CRYL1: variants seen among roughly 807,000 people sequenced by gnomAD.
CRYL1 encodes the protein lambda-crystallin homolog.
Under a neutral mutation model 36.6 loss-of-function variants are expected in CRYL1, and 29 were observed. The observed-to-expected ratio is 0.79, with a 90% CI of 0.59 to 1.08. The LOEUF (loss-of-function observed/expected upper bound fraction) is 1.08. Ranked by LOEUF, CRYL1 falls within the 50% of genes least tolerant of loss-of-function variation. The pLI is 0.00. For missense variants in CRYL1, 411 were observed against 407.9 expected, an observed-to-expected ratio of 1.01 and a Z score of -0.06; for synonymous variants, 152 against 151.5, an observed-to-expected ratio of 1.00 and a Z score of -0.02.
intron 4 of CRYL1, 58 bp from the exon 5 acceptor site, chr13:20,432,354 G>A: frequency 7.5e-7 from 1 of 1,331,918 alleles, no homozygotes; most frequent in Non-Finnish European, 1.0e-6. Context: ...TTGGGGAACT[G>A]CACCCACCCT....
intron 4 of CRYL1, 64 bp downstream of exon 4, chr13:20,439,529 A>AC: frequency 3.6e-6 from 3 of 842,828 alleles, no homozygotes; most frequent in South Asian, 2.3e-5. Flanking sequence ...AAAAAAAAAA[A>AC]AGAAAAAAAA....
rs113114831 is a variant in CRYL1, at chr13:20,478,838, C to T, written c.276+10532G>A. ...CGCGATCTTGGCTTGCTGCAACCTC[C>T]GCCTCCCAGGTTCAAGTGATTCCCC... On this transcript the variant is annotated intron_variant, in intron 3 of 7. Transcript: ENST00000298248. 9.2e-3 allele frequency among the ~76,000 whole-genome samples: 1,405 copies of T among 152,224 alleles called. 21 individuals carry two copies. The highest frequency in any genetic ancestry group is 0.032 in the African/African-American group (1,318 of 41,528).
intron 2 of CRYL1, among the ~76,000 whole-genome samples, chr13:20,504,441 T>A (rs2033758388): frequency 6.6e-6 from 1 of 151,890 alleles, no homozygotes; most frequent in Non-Finnish European, 1.5e-5. Flanking sequence ...GTAGCTGCGA[T>A]TACAGGCACC....
At chr13:20,450,161 G>C (rs936180319) in intron 3 of CRYL1, among the ~76,000 whole-genome samples, 1 of 152,116 alleles carries the variant, frequency 6.6e-6, no homozygotes, top group Non-Finnish European at 1.5e-5. Flanking sequence ...GAACAAAGCT[G>C]AAGGCATCAT....
intron 3 of CRYL1, among the ~76,000 whole-genome samples, chr13:20,469,289 G>A (rs182875233): frequency 3.0e-4 from 45 of 152,226 alleles, no homozygotes; most frequent in African/African-American, 1.1e-3. Flanking sequence ...TCAAACCTAG[G>A]CTCAACAGTC....
intron 6 of CRYL1, among the ~76,000 whole-genome samples, 187 bp from the exon 7 acceptor site, chr13:20,404,928 C>G (rs1214603160): frequency 6.6e-6 from 1 of 152,132 alleles, no homozygotes; most frequent in Non-Finnish European, 1.5e-5. Flanking sequence ...AGCGACCCTC[C>G]CCATTACGCA....
intron 6 of CRYL1, among the ~76,000 whole-genome samples, chr13:20,411,422 C>T (rs2031519960): frequency 6.6e-6 from 1 of 152,116 alleles, no homozygotes; most frequent in South Asian, 2.1e-4. Flanking sequence ...AAAGTCAAAG[C>T]TGTTCTCAGT....
chr13:20,522,372 C>G (rs1029858976), intron 1 of CRYL1, among the ~76,000 whole-genome samples: 1 of 151,778 alleles, frequency 6.6e-6, no homozygotes, highest in African/African-American at 2.4e-5. Context: ...AGTACAATCA[C>G]CCCAAACAAA....
At chr13:20,485,360 C>G (rs1178078542) in intron 3 of CRYL1, among the ~76,000 whole-genome samples, 1 of 152,048 alleles carries the variant, frequency 6.6e-6, no homozygotes, top group Non-Finnish European at 1.5e-5. Context: ...ATTTGCTTTA[C>G]ATCATATAAA....
At chr13:20,468,000 A>C (rs139499556) in intron 3 of CRYL1, among the ~76,000 whole-genome samples, 2 of 152,044 alleles carry the variant, frequency 1.3e-5, no homozygotes, top group South Asian at 4.2e-4. Flanking sequence ...TGCTCTCCTC[A>C]TGAGAATCTT....
intron 4 of CRYL1, among the ~76,000 whole-genome samples, chr13:20,436,463 T>G (rs1047992370): frequency 7.2e-5 from 11 of 152,154 alleles, no homozygotes; most frequent in Non-Finnish European, 1.3e-4. Context: ...TTCTCCTCCC[T>G]CAGCCCCTCC....
At chr13:20,427,462 G>C (rs2031957374) in intron 5 of CRYL1, among the ~76,000 whole-genome samples, 1 of 152,126 alleles carries the variant, frequency 6.6e-6, no homozygotes, top group Non-Finnish European at 1.5e-5. Flanking sequence ...GATGACAGGG[G>C]AGCGTCTCAT....
At chr13:20,466,396 A>C (rs2032933398) in intron 3 of CRYL1, among the ~76,000 whole-genome samples, 1 of 152,222 alleles carries the variant, frequency 6.6e-6, no homozygotes, top group Admixed American at 6.5e-5. Flanking sequence ...ATCAGATATT[A>C]AAGGATTTAG....
Position 20,516,190 on chromosome 13 carries a change from C to CAAAAAAAAAAAAAAAAAAAAAA in CRYL1, c.42-3641_42-3640insTTTTTTTTTTTTTTTTTTTTTT, listed in dbSNP as rs35780379. On this transcript the variant is annotated intron_variant, in intron 1 of 7. Coordinates refer to ENST00000298248, the MANE Select transcript of CRYL1 (RefSeq NM_015974.3). Reference sequence around the variant, plus strand: ...TGGGCGAAAGAGCAAAACTCCATCTCAAAAAAAAAAAAAAAAAAAAAGGCA... The same window carrying CAAAAAAAAAAAAAAAAAAAAAA: ...TGGGCGAAAGAGCAAAACTCCATCTCAAAAAAAAAAAAAAAAAAAAAAAAAAAAAAAAAAAAAAAAAAAGGCA... Among the ~76,000 whole-genome samples the CAAAAAAAAAAAAAAAAAAAAAA allele has an allele frequency of 2.7e-5, 2 of 73,294 alleles. 1 individual carries two copies. The highest frequency in any genetic ancestry group is 1.2e-4 in the African/African-American group (2 of 17,234). 48.1% of individuals were successfully genotyped at this position (73,294 alleles called of 152,430 possible).
chr13:20,408,202 G>A (rs1027478222), intron 6 of CRYL1, among the ~76,000 whole-genome samples: 1 of 152,116 alleles, frequency 6.6e-6, no homozygotes, highest in Non-Finnish European at 1.5e-5. Context: ...AGGCAGAACC[G>A]ACCCGGGCCC....
At chr13:20,468,768 G>T (rs1190262815) in intron 3 of CRYL1, among the ~76,000 whole-genome samples, 2 of 152,152 alleles carry the variant, frequency 1.3e-5, no homozygotes, top group East Asian at 3.9e-4. Flanking sequence ...GCCATGCCTG[G>T]CTAATTTTTG....
chr13:20,483,708 T>G (rs1385548523), intron 3 of CRYL1, among the ~76,000 whole-genome samples: 1 of 151,822 alleles, frequency 6.6e-6, no homozygotes, highest in African/African-American at 2.4e-5. Context: ...CCATGCTAAT[T>G]TTTTGTATTT....
rs903483107 is a variant in CRYL1, at chr13:20,525,088, G to A, written c.41+666C>T. Among the ~76,000 whole-genome samples, 3 of 152,112 alleles carry A rather than the reference G, an allele frequency of 2.0e-5. No homozygotes were observed. The highest frequency in any genetic ancestry group is 7.2e-5 in the African/African-American group (3 of 41,410). ...AAGCACACACTAAAAATCAGTTTGG[G>A]CAGAATTTAAGCTGTTAAATGGACA... is the stretch of plus-strand genomic sequence containing the variant. On this transcript the variant is annotated intron_variant, in intron 1 of 7. Coordinates refer to ENST00000298248, the MANE Select transcript of CRYL1 (RefSeq NM_015974.3). The surrounding 1 kb of genome is among the most constrained non-coding windows in gnomAD (Gnocchi z 4.3).
chr13:20,420,700 G>GTTTTTTTTTTTTTTTTTTTT lies in CRYL1; in HGVS notation c.634-7314_634-7313insAAAAAAAAAAAAAAAAAAAA, dbSNP rs5802072. 2.7e-4 allele frequency among the ~76,000 whole-genome samples: 10 copies of GTTTTTTTTTTTTTTTTTTTT among 36,466 alleles called. 3 individuals carry two copies. The highest frequency in any genetic ancestry group is 3.6e-4 in the Non-Finnish European group (5 of 13,964). 23.9% of individuals were successfully genotyped at this position (36,466 alleles called of 152,430 possible). On this transcript the variant is annotated intron_variant, in intron 5 of 7. Coordinates refer to ENST00000298248, the MANE Select transcript of CRYL1 (RefSeq NM_015974.3). The stretch of plus-strand genomic sequence containing the variant: ...CCTTTGACTTTTCTTTAAAATAGAG[G>GTTTTTTTTTTTTTTTTTTTT]TTGTGTGTGTGTGTGTGTGTGTGTG...
Sources: allele counts gnomAD v4.1 joint callset (sites outside exome capture counted in the v4.1 genomes callset), GRCh38; gene constraint gnomAD v4.1.1; non-coding constraint Gnocchi (gnomAD v3.1); transcripts MANE v1.5; gene names NCBI Gene and HGNC (gene_info 2026-07-23, HGNC 2026-07-21).